Variants in OSBPL10 observed in about 807,000 individuals in gnomAD.
OSBPL10 encodes oxysterol binding protein like 10.
In OSBPL10, 49 loss-of-function variants were observed where a neutral mutation model predicts 81.7. That is an observed-to-expected ratio of 0.60 (90% CI 0.48 to 0.76). OSBPL10 has a LOEUF of 0.76. OSBPL10 is among the 30% of genes least tolerant of loss of function. OSBPL10 has a pLI of 0.00. For synonymous variants in OSBPL10, 419 were observed against 383.6 expected (o/e 1.09, Z -1.08); for missense variants, 923 against 987.8 (o/e 0.93, Z 0.88).
intron 4 of OSBPL10, among the ~76,000 whole-genome samples, chr3:31,768,943 T>G (rs184168659): frequency 6.6e-6 from 1 of 152,254 alleles, no homozygotes; most frequent in East Asian, 1.9e-4. Context: ...TTTTGCCCAT[T>G]CCATTGCTGC....
At chr3:31,800,425 A>T (rs1437391784) in intron 4 of OSBPL10, among the ~76,000 whole-genome samples, 1 of 152,244 alleles carries the variant, frequency 6.6e-6, no homozygotes, top group Non-Finnish European at 1.5e-5. Flanking sequence ...CAGCACAAAC[A>T]CCAGCCTGGC....
chr3:31,935,074 T>C (rs968952290), intron 1 of OSBPL10, among the ~76,000 whole-genome samples: 1 of 151,964 alleles, frequency 6.6e-6, no homozygotes, highest in Non-Finnish European at 1.5e-5. Flanking sequence ...GGAAGGGAAA[T>C]GGGAAAGTTG....
At chr3:31,939,434 C>T (rs1467113065) in intron 1 of OSBPL10, among the ~76,000 whole-genome samples, 5 of 151,514 alleles carry the variant, frequency 3.3e-5, no homozygotes, top group African/African-American at 1.2e-4. Context: ...TGAGTCACCA[C>T]ACCTGGCCAA....
In OSBPL10 at chr3:31,856,815, C is replaced by A. The variant is rs139947414; in HGVS notation, c.537+19618G>T. Among the ~76,000 whole-genome samples the A allele has an allele frequency of 3.7e-3, 563 of 152,324 alleles. 3 individuals carry two copies. Among genetic ancestry groups the A allele is most frequent in the African/African-American group, 0.012 (497 of 41,574 alleles). ...TGTAGGCCAGACACAGTGGCTCATG[C>A]CTGTAATCCCAGTGCTTTGGGAGGC... On this transcript the variant is annotated intron_variant, in intron 3 of 11. Transcript: ENST00000396556.
rs193196192 is a variant in OSBPL10 at position 31,774,964 on chromosome 3, C to T, written c.730-26844G>A. On this transcript the variant is annotated intron_variant, in intron 4 of 11. Transcript: ENST00000396556. ...GGTGGATCACCTGAGGTCAGGAGTT[C>T]GAGACCAGCCTGGCCAACATGGTGA... 1.1e-4 allele frequency among the ~76,000 whole-genome samples: 16 copies of T among 151,126 alleles called. No individual in the cohort carries two copies. The East Asian group carries it at 2.2e-3, about 21-fold the overall frequency.
rs1237924915 is a variant in OSBPL10 at position 31,664,199 on chromosome 3, C to G, written c.2130G>C (p.Arg710=). 1.2e-6 allele frequency: 2 copies of G among 1,612,922 alleles called. No individual in the cohort carries two copies. Among genetic ancestry groups the G allele is most frequent in the East Asian group, 2.2e-5 (1 of 44,878 alleles). ...CGGTGGCTGCGTCAATGTCCCCCAG[C>G]CGCAGGTATCGGGTCACCTCCCGCC... The part of the protein sequence containing the change: ...NLWREVTRYL[R]LGDIDAATEQ... The change falls in exon 11 of 12, where the codon CGG becomes CGC. Residue 710 remains arginine (R), a synonymous_variant. Transcript: ENST00000396556.
At chr3:32,025,319 G>T (rs554057949) in intron 2 of OSBPL10, among the ~76,000 whole-genome samples, 2 of 152,188 alleles carry the variant, frequency 1.3e-5, no homozygotes, top group South Asian at 2.1e-4. Context: ...ATTCAACCTT[G>T]CATTTCTGGG....
At chr3:31,701,985 GGCCACTGT>G (rs1414721870) in intron 7 of OSBPL10, among the ~76,000 whole-genome samples, 1 of 151,952 alleles carries the variant, frequency 6.6e-6, no homozygotes, top group Non-Finnish European at 1.5e-5. Context: ...TTCCCTCTAT[GGCCACTGT>G]GCATAGCCAT....
intron 6 of OSBPL10, among the ~76,000 whole-genome samples, chr3:31,705,520 C>A (rs1696035920): frequency 6.6e-6 from 1 of 152,176 alleles, no homozygotes; most frequent in African/African-American, 2.4e-5. Context: ...CATAGACAGG[C>A]ACTGCAAGGA....
intron 6 of OSBPL10, chr3:31,718,154 G>C (rs1696514081): frequency 6.7e-6 from 1 of 150,208 alleles, no homozygotes; most frequent in Admixed American, 6.7e-5. Context: ...TTGAGACAAA[G>C]TCTCACTCTG....
intron 1 of OSBPL10, among the ~76,000 whole-genome samples, chr3:31,966,151 T>TTG (rs1698393998): frequency 9.6e-6 from 1 of 104,462 alleles, no homozygotes; most frequent in African/African-American, 5.0e-5. Flanking sequence ...AACAACAAAA[T>TTG]TATGTGTGTG....
intron 2 of OSBPL10, among the ~76,000 whole-genome samples, chr3:32,010,460 G>A (rs566126190): frequency 5.3e-5 from 8 of 152,272 alleles, no homozygotes; most frequent in African/African-American, 7.2e-5. Flanking sequence ...AAAAGGGGGG[G>A]CAGTTCCAAG....
intron 1 of OSBPL10, among the ~76,000 whole-genome samples, chr3:31,926,553 A>G (rs1236651286): frequency 1.3e-5 from 2 of 152,166 alleles, no homozygotes; most frequent in Non-Finnish European, 2.9e-5. Context: ...GGAAATCACA[A>G]AAATTTGCAG....
chr3:31,681,401 A>G (rs1255934216), intron 8 of OSBPL10, among the ~76,000 whole-genome samples: 1 of 152,140 alleles, frequency 6.6e-6, no homozygotes, highest in Non-Finnish European at 1.5e-5. Context: ...AAACAGTACC[A>G]TTGCATGCAA....
chr3:31,897,744 T>C (rs1355383498), intron 1 of OSBPL10, among the ~76,000 whole-genome samples: 2 of 152,144 alleles, frequency 1.3e-5, no homozygotes, highest in Non-Finnish European at 2.9e-5. Context: ...GCACAGTGGC[T>C]CACGCCTGTA....
At chr3:31,892,130 C>T (rs551119448) in intron 1 of OSBPL10, among the ~76,000 whole-genome samples, 3 of 151,876 alleles carry the variant, frequency 2.0e-5, no homozygotes, top group Non-Finnish European at 1.5e-5. Context: ...GAACTGAGAT[C>T]TGAGGTGTGA....
At chr3:31,902,291 C>T (rs1575606970) in intron 1 of OSBPL10, among the ~76,000 whole-genome samples, 2 of 136,954 alleles carry the variant, frequency 1.5e-5, no homozygotes, top group African/African-American at 2.8e-5. Context: ...GAGACGGAGT[C>T]CCACTCTGTC....
At chr3:31,896,735 T>A (rs1213855775) in intron 1 of OSBPL10, among the ~76,000 whole-genome samples, 2 of 152,192 alleles carry the variant, frequency 1.3e-5, no homozygotes, top group Non-Finnish European at 2.9e-5. Flanking sequence ...GGGGGTCACC[T>A]CTGGGAAGAA....
At chr3:31,662,971 C>G (rs1301816810) in intron 11 of OSBPL10, 5 of 985,378 alleles carry the variant, frequency 5.1e-6, no homozygotes, top group Non-Finnish European at 6.0e-6. Flanking sequence ...GCTTTCCTGT[C>G]TGAACCAGAA....
Sources: allele counts gnomAD v4.1 joint callset (sites outside exome capture counted in the v4.1 genomes callset), GRCh38; gene constraint gnomAD v4.1.1; transcripts MANE v1.5; gene names NCBI Gene and HGNC (gene_info 2026-07-23, HGNC 2026-07-21).